Variants in BEND3 observed in about 807,000 individuals in gnomAD.
BEND3 encodes the protein BEN domain containing 3, also known as BEN domain-containing protein 3.
In BEND3, 13 loss-of-function variants were observed where a neutral mutation model predicts 60.1. The ratio of observed to expected loss-of-function variants is 0.22; its 90% CI spans 0.14 to 0.34. The LOEUF (loss-of-function observed/expected upper bound fraction) is 0.34, where lower values mean the gene tolerates loss of function less well. BEND3 is among the 10% of genes least tolerant of loss of function. The pLI is 1.00. For synonymous variants in BEND3, 497 were observed against 491.5 expected, an observed-to-expected ratio of 1.01 and a Z score of -0.15; for missense variants, 896 against 1,138.1, an observed-to-expected ratio of 0.79 and a Z score of 3.06.
At chr6:107,110,030 CAAAAAA>C (rs10708512) in intron 1 of BEND3, among the ~76,000 whole-genome samples, 3 of 125,552 alleles carry the variant, frequency 2.4e-5, no homozygotes. Flanking sequence ...GACCCTGACT[CAAAAAA>C]AAAAAAAAAA....
chr6:107,110,686 G>T (rs1207476934), intron 1 of BEND3, among the ~76,000 whole-genome samples: 1 of 151,884 alleles, frequency 6.6e-6, no homozygotes, highest in African/African-American at 2.4e-5. Context: ...TCAGCCTCCC[G>T]AGTAGCTGGG....
At chr6:107,098,493 G>A in intron 3 of BEND3, 58 bp downstream of exon 3, 1 of 1,557,524 alleles carries the variant, frequency 6.4e-7, no homozygotes, top group Non-Finnish European at 8.8e-7. Context: ...GGGAGATTCA[G>A]CATGGAATCA....
intron 1 of BEND3, among the ~76,000 whole-genome samples, chr6:107,100,647 G>A (rs1554236656): frequency 6.6e-6 from 1 of 152,098 alleles, no homozygotes; most frequent in Admixed American, 6.5e-5. Flanking sequence ...CAGCTGGAAT[G>A]GAACTGACAC....
intron 1 of BEND3, among the ~76,000 whole-genome samples, chr6:107,113,669 G>C (rs549910261): frequency 6.6e-6 from 1 of 152,198 alleles, no homozygotes; most frequent in Non-Finnish European, 1.5e-5. Flanking sequence ...AACTGTGAGG[G>C]AGATAAAAAA....
chr6:107,093,963 A>G (rs1204109497), intron 3 of BEND3, among the ~76,000 whole-genome samples: 1 of 152,264 alleles, frequency 6.6e-6, no homozygotes, highest in Non-Finnish European at 1.5e-5. Flanking sequence ...ACAGGCTGGG[A>G]GAAAATATTT....
intron 3 of BEND3, among the ~76,000 whole-genome samples, chr6:107,079,486 C>T (rs1554233220): frequency 1.3e-5 from 2 of 152,166 alleles, no homozygotes; most frequent in Non-Finnish European, 2.9e-5. Context: ...GTAACATATG[C>T]CCACTGGGGC....
intron 3 of BEND3, among the ~76,000 whole-genome samples, chr6:107,075,136 G>A (rs955953060): frequency 6.6e-6 from 1 of 151,666 alleles, no homozygotes; most frequent in Non-Finnish European, 1.5e-5. Context: ...TTAGGTGGGA[G>A]GATCACTTGA....
At chr6:107,072,658 C>T (rs1554232223) in intron 3 of BEND3, among the ~76,000 whole-genome samples, 1 of 152,182 alleles carries the variant, frequency 6.6e-6, no homozygotes, top group Non-Finnish European at 1.5e-5. Context: ...AAACTTTCAT[C>T]ATTCTGAACC....
intron 1 of BEND3, among the ~76,000 whole-genome samples, chr6:107,108,872 C>T (rs910740482): frequency 2.0e-4 from 31 of 152,254 alleles, no homozygotes; most frequent in Middle Eastern, 6.8e-3. Context: ...GTGGTGCGAC[C>T]TCGGCTCTCT....
In BEND3 at chr6:107,115,256, C is replaced by G. The variant is rs1229397910; in HGVS notation, c.-178G>C. 2 of 150,000 alleles carry G rather than the reference C, an allele frequency of 1.3e-5. No individual in the cohort carries two copies. Among genetic ancestry groups the G allele is most frequent in the African/African-American group, 4.9e-5 (2 of 41,104 alleles). 9.3% of individuals were successfully genotyped at this position (150,000 alleles called of 1,614,324 possible). A position where few individuals can be genotyped will look rare whatever the true frequency, so the allele number is the denominator to read the frequency against. ...GGGCGGGCGAGCGCCGTGTATTTTC[C>G]CCTCTCTTTGTGTGTGTCCGTGCGC... On this transcript the variant is annotated 5_prime_UTR_variant, in exon 1 of 4. Coordinates refer to ENST00000369042, the MANE Select transcript of BEND3 (RefSeq NM_001367314.1).
chr6:107,100,489 G>C (rs782376544), intron 1 of BEND3, among the ~76,000 whole-genome samples: 3 of 151,226 alleles, frequency 2.0e-5, no homozygotes, highest in Non-Finnish European at 4.4e-5. Context: ...GGATGGTCTC[G>C]ATCTCCTGAC....
intron 3 of BEND3, among the ~76,000 whole-genome samples, chr6:107,088,819 C>T (rs1396120518): frequency 6.6e-6 from 1 of 152,108 alleles, no homozygotes; most frequent in Admixed American, 6.6e-5. Context: ...ACGATAGCTA[C>T]AAATAAAAAT....
chr6:107,086,864 A>C (rs1318719707), intron 3 of BEND3, among the ~76,000 whole-genome samples: 1 of 151,420 alleles, frequency 6.6e-6, no homozygotes, highest in African/African-American at 2.4e-5. Context: ...GTCTCTACTA[A>C]AACTACAAAA....
At chr6:107,081,629 A>C (rs1775235922) in intron 3 of BEND3, among the ~76,000 whole-genome samples, 1 of 152,116 alleles carries the variant, frequency 6.6e-6, no homozygotes, top group Non-Finnish European at 1.5e-5. Context: ...CCATTTTTGT[A>C]TATGTAGACT....
At chr6:107,096,783 C>A (rs1167659846) in intron 3 of BEND3, among the ~76,000 whole-genome samples, 1 of 152,116 alleles carries the variant, frequency 6.6e-6, no homozygotes, top group Non-Finnish European at 1.5e-5. Context: ...TAGCATAACT[C>A]TGGGAATATA....
At chr6:107,080,371 A>AAAAAAAAC (rs1775204537) in intron 3 of BEND3, among the ~76,000 whole-genome samples, 1 of 119,202 alleles carries the variant, frequency 8.4e-6, no homozygotes, top group Non-Finnish European at 1.6e-5. Flanking sequence ...AAAAAAAAAA[A>AAAAAAAAC]AAAAAACAAA....
At chr6:107,071,079 C>T in intron 3 of BEND3, 129 bp from the exon 4 acceptor site, 7 of 820,046 alleles carry the variant, frequency 8.5e-6, no homozygotes, top group Non-Finnish European at 1.3e-5. Flanking sequence ...ATTCCTCACC[C>T]TGAATCACTC....
At chr6:107,079,807 C>T (rs901404217) in intron 3 of BEND3, among the ~76,000 whole-genome samples, 4 of 152,064 alleles carry the variant, frequency 2.6e-5, no homozygotes, top group African/African-American at 7.2e-5. Context: ...GGTATTAACT[C>T]GTTTGTTTTA....
At chr6:107,099,345 T>C in intron 1 of BEND3, 49 bp from the exon 2 acceptor site, 2 of 1,528,442 alleles carry the variant, frequency 1.3e-6, no homozygotes, top group Non-Finnish European at 1.8e-6. Flanking sequence ...TTGATTTATT[T>C]CTTAATTTTC....
Sources: allele counts gnomAD v4.1 joint callset (sites outside exome capture counted in the v4.1 genomes callset), GRCh38; gene constraint gnomAD v4.1.1; transcripts MANE v1.5; gene names NCBI Gene and HGNC (gene_info 2026-07-23, HGNC 2026-07-21).